Variants in SCARA5 observed in about 807,000 individuals in gnomAD.
SCARA5 encodes the protein scavenger receptor class A, member 5 (putative).
Under a neutral mutation model 46.3 loss-of-function variants are expected in SCARA5, and 45 were observed. The ratio of observed to expected loss-of-function variants is 0.97; its 90% confidence interval spans 0.76 to 1.24. SCARA5 has a LOEUF of 1.24. Among genes scored for constraint, SCARA5 ranks in the 50% most tolerant of loss-of-function variants. SCARA5 has a pLI of 0.00. For missense variants in SCARA5, 680 were observed against 689.0 expected, an observed-to-expected ratio of 0.99 and a Z score of 0.15; for synonymous variants, 333 against 306.5, an observed-to-expected ratio of 1.09 and a Z score of -0.90.
intron 2 of SCARA5, among the ~76,000 whole-genome samples, chr8:27,981,874 ACC>A (rs1246030322): frequency 2.0e-5 from 3 of 152,178 alleles, no homozygotes; most frequent in Admixed American, 6.5e-5. Flanking sequence ...TGATGCGGCA[ACC>A]TGTAAACGGC....
intron 7 of SCARA5, among the ~76,000 whole-genome samples, chr8:27,897,833 C>G (rs1807090207): frequency 6.6e-6 from 1 of 152,252 alleles, no homozygotes; most frequent in Admixed American, 6.5e-5. Flanking sequence ...CTCCACAGTG[C>G]CTTGTTTATT....
chr8:27,968,014 C>T (rs1808395675), intron 2 of SCARA5, among the ~76,000 whole-genome samples: 1 of 152,162 alleles, frequency 6.6e-6, no homozygotes, highest in South Asian at 2.1e-4. Context: ...ATTTAGAAAA[C>T]ATCCTGAAGG....
intron 8 of SCARA5, among the ~76,000 whole-genome samples, chr8:27,875,629 G>A (rs1255860554): frequency 6.6e-6 from 1 of 152,090 alleles, no homozygotes; most frequent in Non-Finnish European, 1.5e-5. Context: ...ACCAGCAGGT[G>A]CAGTGTGGAG....
At chr8:27,967,287 T>G (rs1051798291) in intron 2 of SCARA5, among the ~76,000 whole-genome samples, 5 of 152,230 alleles carry the variant, frequency 3.3e-5, no homozygotes, top group Non-Finnish European at 5.9e-5. Context: ...TTGGGCCATG[T>G]AATTCAACCC....
At chr8:27,983,051 C>A (rs1808648239) in intron 2 of SCARA5, among the ~76,000 whole-genome samples, 1 of 152,170 alleles carries the variant, frequency 6.6e-6, no homozygotes, top group Admixed American at 6.5e-5. Flanking sequence ...CAAGGGTGTC[C>A]CCTCACCTCC....
intron 5 of SCARA5, chr8:27,908,959 T>C (rs1807319941): frequency 6.6e-6 from 1 of 152,178 alleles, no homozygotes; most frequent in South Asian, 2.1e-4. Context: ...GACACCTTTT[T>C]CCCTCTATTT....
intron 2 of SCARA5, among the ~76,000 whole-genome samples, chr8:27,984,278 A>G (rs949510066): frequency 2.0e-5 from 3 of 152,190 alleles, no homozygotes; most frequent in Admixed American, 6.5e-5. Context: ...AAAAGGGGGA[A>G]AAATCAAATT....
intron 3 of SCARA5, among the ~76,000 whole-genome samples, chr8:27,927,963 G>A (rs1807708470): frequency 1.3e-5 from 2 of 152,196 alleles, no homozygotes; most frequent in South Asian, 2.1e-4. Context: ...TTTTCAAGGT[G>A]ATGCATCAGC....
intron 3 of SCARA5, among the ~76,000 whole-genome samples, chr8:27,944,326 A>G (rs952447490): frequency 1.1e-4 from 16 of 152,220 alleles, no homozygotes; most frequent in African/African-American, 3.9e-4. Context: ...CAGTAATTGT[A>G]TAGTGGTGAT....
intron 1 of SCARA5, among the ~76,000 whole-genome samples, chr8:27,990,635 G>A (rs1485568614): frequency 6.6e-6 from 1 of 152,192 alleles, no homozygotes; most frequent in Non-Finnish European, 1.5e-5. Context: ...TGCTTTGTTT[G>A]GGAATTGCAT....
intron 4 of SCARA5, among the ~76,000 whole-genome samples, chr8:27,918,674 GAAGATGAGGAGGAAA>G (rs1458808166): frequency 4.1e-5 from 1 of 24,344 alleles, no homozygotes; most frequent in African/African-American, 1.2e-4. Flanking sequence ...GGAGGAAAAG[GAAGATGAGGAGGAAA>G]AGGAAGATGA....
At chr8:27,901,009 G>A (rs764764898) in intron 7 of SCARA5, among the ~76,000 whole-genome samples, 1 of 151,954 alleles carries the variant, frequency 6.6e-6, no homozygotes, top group African/African-American at 2.4e-5. Flanking sequence ...GGTGGGGTGG[G>A]GTTGGGCGAG....
chr8:27,911,016 C>T (rs1370237299), intron 4 of SCARA5, among the ~76,000 whole-genome samples: 1 of 152,188 alleles, frequency 6.6e-6, no homozygotes, highest in African/African-American at 2.4e-5. Flanking sequence ...TCTGCAACAC[C>T]CACAGGGCTA....
In SCARA5 at chr8:27,880,918, T is replaced by C. The variant is rs111351431; in HGVS notation, c.1154-1152A>G. 6.5e-3 allele frequency among the ~76,000 whole-genome samples: 925 copies of C among 141,402 alleles called. 7 individuals carry two copies. The highest frequency in any genetic ancestry group is 0.021 in the African/African-American group (817 of 38,280). The allele number at this position is 141,402 out of a possible 152,430, so 92.8% of individuals were successfully genotyped here. A position where few individuals can be genotyped will look rare whatever the true frequency, so the allele number is the denominator to read the frequency against. On this transcript the variant is annotated intron_variant, in intron 7 of 8. Transcript: ENST00000354914. Reference sequence around the variant, plus strand: ...AACAGATATTTCTCAAAAGAAGATATACAAACAGCCAGCAAACATGAAAAA... The same window carrying C: ...AACAGATATTTCTCAAAAGAAGATACACAAACAGCCAGCAAACATGAAAAA...
rs2129642985 is a variant in SCARA5 at position 27,869,977 on chromosome 8, G to A, written c.*1957C>T. 6.6e-6 allele frequency: 1 copy of A among 152,356 alleles called. No individual in the cohort carries two copies. Among genetic ancestry groups the A allele is most frequent in the South Asian group, 2.1e-4 (1 of 4,832 alleles). The allele number at this position is 152,356 out of a possible 1,614,324, so 9.4% of individuals were successfully genotyped here. ...AATTTGCTTTGGTCCCTGAAATGCA[G>A]GCCCATGGTCATTTCCATGTCCTCT... is the stretch of plus-strand genomic sequence containing the variant. On this transcript the variant is annotated 3_prime_UTR_variant, in exon 9 of 9. Transcript: ENST00000354914.
At chr8:27,879,947 A>C (rs947384414) in intron 7 of SCARA5, among the ~76,000 whole-genome samples, 181 bp from the exon 8 acceptor site, 8 of 152,092 alleles carry the variant, frequency 5.3e-5, no homozygotes, top group Non-Finnish European at 1.2e-4. Flanking sequence ...CCTTCTCCCC[A>C]CCTTAAAAAA....
At chr8:27,916,357 A>G (rs2727008) in intron 4 of SCARA5, among the ~76,000 whole-genome samples, 109,240 of 152,174 alleles carry the variant, frequency 0.72, 39,612 homozygotes, top group East Asian at 0.95. Flanking sequence ...ATGTATATAC[A>G]TGTGCATGTG....
rs1319085997 is a variant in SCARA5 at position 27,987,582 on chromosome 8, T to C, written c.34A>G (p.Ser12Gly). 2 of 1,613,904 alleles carry C rather than the reference T, an allele frequency of 1.2e-6. No homozygotes were observed. Among genetic ancestry groups the C allele is most frequent in the East Asian group, 4.5e-5 (2 of 44,870 alleles). The change falls in exon 2 of 9, where the codon AGC becomes GGC. Residue 12 changes from serine (S) to glycine (G), a missense_variant. Coordinates refer to ENST00000354914, the MANE Select transcript of SCARA5 (RefSeq NM_173833.6). Reference protein sequence around the residue: ...ENKAMYLHTVSDCDTSSICED... With the variant: ...ENKAMYLHTVGDCDTSSICED... The stretch of plus-strand genomic sequence containing the variant: ...CAGATGGAGCTGGTGTCACAGTCGC[T>C]GACGGTGTGTAGGTACATAGCTTTG...
At chr8:27,882,105 C>T (rs1048801291) in intron 7 of SCARA5, among the ~76,000 whole-genome samples, 2 of 152,282 alleles carry the variant, frequency 1.3e-5, no homozygotes, top group East Asian at 1.9e-4. Flanking sequence ...TTGCCTTTTC[C>T]AGGATGTCAT....
Sources: gnomAD v4.1 joint callset for allele counts (sites outside exome capture counted in the v4.1 genomes callset) on GRCh38, gnomAD v4.1.1 for gene constraint, MANE v1.5 for transcripts, NCBI Gene and HGNC (gene_info 2026-07-23, HGNC 2026-07-21) for gene names.